Variants in KCNC2 observed in about 807,000 individuals in gnomAD.
KCNC2 encodes the protein potassium voltage-gated channel subfamily C member 2.
A neutral mutation model predicts 44.5 loss-of-function variants in KCNC2; 21 were observed. The ratio of observed to expected loss-of-function variants is 0.47; its 90% CI spans 0.33 to 0.68. The LOEUF (loss-of-function observed/expected upper bound fraction) is 0.68. Ranked by LOEUF, KCNC2 falls within the 30% of genes least tolerant of loss-of-function variation. The pLI is 0.01. For missense variants in KCNC2, 589 were observed against 826.2 expected (o/e 0.71, Z 3.52); for synonymous variants, 391 against 339.1 (o/e 1.15, Z -1.68).
intron 2 of KCNC2, among the ~76,000 whole-genome samples, chr12:75,113,276 G>A (rs917119776): frequency 2.0e-5 from 3 of 152,016 alleles, no homozygotes; most frequent in Admixed American, 6.6e-5. Flanking sequence ...CATATCAAGC[G>A]ATTTGGACCA....
At chr12:75,043,485 A>G in intron 4 of KCNC2, 2 of 1,289,020 alleles carry the variant, frequency 1.6e-6, no homozygotes, top group Admixed American at 7.0e-5. Flanking sequence ...ATTTTTTCCC[A>G]GATTATAGTT....
chr12:75,130,854 T>C (rs1888792943), intron 2 of KCNC2, among the ~76,000 whole-genome samples: 2 of 151,916 alleles, frequency 1.3e-5, no homozygotes, highest in African/African-American at 4.8e-5. Context: ...AGCTCAGATT[T>C]AGTCTACCCT....
chr12:75,163,977 CT>C (rs1891287251), intron 2 of KCNC2, among the ~76,000 whole-genome samples: 1 of 151,604 alleles, frequency 6.6e-6, no homozygotes. Context: ...CTACACACTC[CT>C]TTTTTGGAAC....
intron 2 of KCNC2, among the ~76,000 whole-genome samples, chr12:75,202,407 TTTA>T (rs1565695225): frequency 6.6e-6 from 1 of 151,808 alleles, no homozygotes; most frequent in Admixed American, 6.6e-5. Flanking sequence ...TAAAATTAAA[TTTA>T]TTTATAAGCC....
intron 2 of KCNC2, among the ~76,000 whole-genome samples, chr12:75,156,897 G>A (rs1398173331): frequency 6.6e-6 from 1 of 151,782 alleles, no homozygotes; most frequent in African/African-American, 2.4e-5. Flanking sequence ...AGAAGCTAGT[G>A]TATTTATGAG....
chr12:75,175,646 A>T (rs1447559724), intron 2 of KCNC2, among the ~76,000 whole-genome samples: 1 of 152,042 alleles, frequency 6.6e-6, no homozygotes, highest in Non-Finnish European at 1.5e-5. Flanking sequence ...GTAAGGAGTT[A>T]AGTTTGAAAC....
intron 2 of KCNC2, among the ~76,000 whole-genome samples, chr12:75,059,194 G>T (rs1314119671): frequency 6.6e-6 from 1 of 152,090 alleles, no homozygotes; most frequent in East Asian, 1.9e-4. Context: ...TGATTGATTG[G>T]CTGTGTAATT....
chr12:75,191,700 G>A (rs1225151040), intron 2 of KCNC2, among the ~76,000 whole-genome samples: 22 of 150,636 alleles, frequency 1.5e-4, no homozygotes, highest in African/African-American at 4.4e-4. Context: ...ACAGGCGCCC[G>A]GCACCGCGCC....
chr12:75,064,534 T>C (rs1882642903), intron 2 of KCNC2, among the ~76,000 whole-genome samples: 1 of 152,050 alleles, frequency 6.6e-6, no homozygotes, highest in African/African-American at 2.4e-5. Context: ...TGAATAAATA[T>C]TTCTCTAAAT....
At chr12:75,182,240 C>G (rs899395586) in intron 2 of KCNC2, among the ~76,000 whole-genome samples, 2 of 151,746 alleles carry the variant, frequency 1.3e-5, no homozygotes, top group Admixed American at 1.3e-4. Flanking sequence ...AAAGCACTGA[C>G]TATGGCCGGG....
chr12:75,110,561 G>A (rs1887150223), intron 2 of KCNC2, among the ~76,000 whole-genome samples: 1 of 152,058 alleles, frequency 6.6e-6, no homozygotes, highest in African/African-American at 2.4e-5. Flanking sequence ...CAGGACCGGA[G>A]ATCTTGGAAT....
At chr12:75,071,682 T>C (rs2137036646) in intron 2 of KCNC2, among the ~76,000 whole-genome samples, 1 of 152,232 alleles carries the variant, frequency 6.6e-6, no homozygotes, top group Non-Finnish European at 1.5e-5. Flanking sequence ...CCAGACGCGG[T>C]GGCTCACGCC....
intron 2 of KCNC2, among the ~76,000 whole-genome samples, chr12:75,141,603 T>TA (rs59500567): frequency 0.15 from 22,999 of 152,108 alleles, 2,082 homozygotes; most frequent in Middle Eastern, 0.27. Context: ...CATTCCATTT[T>TA]AAAAAATTTA....
chr12:75,098,751 C>T (rs1411543883), intron 2 of KCNC2, among the ~76,000 whole-genome samples: 1 of 121,918 alleles, frequency 8.2e-6, no homozygotes, highest in Admixed American at 8.5e-5. Context: ...GAGTGAGACT[C>T]TGTCTTAAAT....
chr12:75,184,114 T>C (rs1236194157), intron 2 of KCNC2, among the ~76,000 whole-genome samples: 2 of 152,184 alleles, frequency 1.3e-5, no homozygotes, highest in Admixed American at 6.5e-5. Context: ...TCTCTTTCCA[T>C]GTCTCCTGTA....
intron 2 of KCNC2, among the ~76,000 whole-genome samples, chr12:75,136,790 A>C (rs1889263951): frequency 6.6e-6 from 1 of 152,112 alleles, no homozygotes; most frequent in Admixed American, 6.5e-5. Flanking sequence ...CTGTTCCAAA[A>C]AATCAAGGAG....
intron 2 of KCNC2, among the ~76,000 whole-genome samples, chr12:75,150,158 CA>C: frequency 6.6e-6 from 1 of 151,764 alleles, no homozygotes; most frequent in Non-Finnish European, 1.5e-5. Context: ...TCATAGGACA[CA>C]AAAAATTCCT....
intron 2 of KCNC2, among the ~76,000 whole-genome samples, chr12:75,086,675 A>ATATATATATATAT (rs1482026052): frequency 8.1e-4 from 62 of 76,630 alleles, no homozygotes; most frequent in African/African-American, 5.1e-3. Context: ...AAAAAAAAAA[A>ATATATATATATAT]AAAAAAATAT....
chr12:75,146,841 C>A (rs1890061120), intron 2 of KCNC2, among the ~76,000 whole-genome samples: 1 of 152,088 alleles, frequency 6.6e-6, no homozygotes, highest in Non-Finnish European at 1.5e-5. Flanking sequence ...TATAATGTAA[C>A]CATTGATTGG....
Sources: allele counts gnomAD v4.1 joint callset (sites outside exome capture counted in the v4.1 genomes callset), GRCh38; gene constraint gnomAD v4.1.1; transcripts MANE v1.5; gene names NCBI Gene and HGNC (gene_info 2026-07-23, HGNC 2026-07-21).